The following PRPSAP1 variants were observed in gnomAD, a reference collection of about 807,000 sequenced individuals.
PRPSAP1 encodes phosphoribosyl pyrophosphate synthetase associated protein 1, also known as phosphoribosyl pyrophosphate synthase-associated protein 1.
A neutral mutation model predicts 39.4 loss-of-function variants in PRPSAP1; 31 were observed. The ratio of observed to expected loss-of-function variants is 0.79; its 90% CI spans 0.59 to 1.06. The LOEUF is 1.06. Among genes scored for constraint, PRPSAP1 ranks in the 50% least tolerant of loss-of-function variants. PRPSAP1 has a pLI of 0.00. For missense variants in PRPSAP1, 430 were observed against 511.6 expected (o/e 0.84, Z 1.54); for synonymous variants, 212 against 192.6 (o/e 1.10, Z -0.83).
At chr17:76,320,095 C>T (rs1741343938) in intron 7 of PRPSAP1, among the ~76,000 whole-genome samples, 1 of 151,860 alleles carries the variant, frequency 6.6e-6, no homozygotes, top group African/African-American at 2.4e-5. Flanking sequence ...CATGGCGAAA[C>T]CCTGTCTCTA....
chr17:76,312,233 G>C (rs1229594411), intron 9 of PRPSAP1, among the ~76,000 whole-genome samples: 1 of 152,168 alleles, frequency 6.6e-6, no homozygotes, highest in Non-Finnish European at 1.5e-5. Flanking sequence ...CTGAGGTCAG[G>C]AGTTTGAGAC....
At position 76,343,942 on chromosome 17, in the gene PRPSAP1, C is replaced by T. The variant is rs78724530; in HGVS notation, c.290+729G>A. Among the ~76,000 whole-genome samples, 246 of 152,142 alleles carry T rather than the reference C, an allele frequency of 1.6e-3. 1 individual carries two copies. The highest frequency in any genetic ancestry group is 2.8e-3 in the Non-Finnish European group (193 of 67,992). ...GGAAGCATTTAGTTTAACATGCAAACGAATGTATAACTTTTTTTTTTCTTT... is the reference window on the plus strand; with the variant it reads ...GGAAGCATTTAGTTTAACATGCAAATGAATGTATAACTTTTTTTTTTCTTT... On this transcript the variant is annotated intron_variant, in intron 3 of 9. Coordinates refer to ENST00000446526, the MANE Select transcript of PRPSAP1 (RefSeq NM_002766.3).
At chr17:76,352,102 C>T (rs1351126663) in intron 1 of PRPSAP1, among the ~76,000 whole-genome samples, 2 of 151,326 alleles carry the variant, frequency 1.3e-5, no homozygotes, top group East Asian at 1.9e-4. Context: ...AAAAAAATGA[C>T]TAAAGTTTTC....
At position 76,344,741 on chromosome 17, in the gene PRPSAP1, A is replaced by C; in HGVS notation, c.224-4T>G. On this transcript the variant is annotated splice_region_variant and splice_polypyrimidine_tract_variant and intron_variant, in intron 2 of 9. Transcript: ENST00000446526. The stretch of plus-strand genomic sequence containing the variant: ...TCTTTTATTTCAACTCTTGTTTCTG[A>C]AAAATAAAAATGTTCTGAAGTTTTA... The C allele has an allele frequency of 6.4e-7, 1 of 1,550,630 alleles. No individual in the cohort carries two copies. Among genetic ancestry groups the C allele is most frequent in the Non-Finnish European group, 8.8e-7 (1 of 1,137,854 alleles).
intron 8 of PRPSAP1, 133 bp from the exon 9 acceptor site, chr17:76,313,149 G>A (rs1407305779): frequency 5.8e-6 from 7 of 1,205,566 alleles, no homozygotes; most frequent in Middle Eastern, 2.9e-4. Context: ...CTGTGTGCCT[G>A]GGTCAAAGAA....
At chr17:76,331,716 A>G (rs1343154615) in intron 4 of PRPSAP1, among the ~76,000 whole-genome samples, 1 of 152,124 alleles carries the variant, frequency 6.6e-6, no homozygotes, top group Non-Finnish European at 1.5e-5. Flanking sequence ...GAGGACCCAA[A>G]TATACGTTAA....
At position 76,353,631 on chromosome 17, in the gene PRPSAP1, C is replaced by T; in HGVS notation, c.73G>A (p.Val25Ile). The change falls in exon 1 of 10, where the codon GTT becomes ATT. Residue 25 changes from valine (V) to isoleucine (I), a missense_variant. Coordinates refer to ENST00000446526, the MANE Select transcript of PRPSAP1 (RefSeq NM_002766.3). ...GCGGCGTTCATGGCCGGCGGGGGAA[C>T]GGGGCGGGCGCGCGGGACGCGGAAA... Reference protein sequence around the residue: ...SAFRVPRARPVPPPAMNAART... With the variant: ...SAFRVPRARPIPPPAMNAART... 1 of 1,542,038 alleles carries T rather than the reference C, an allele frequency of 6.5e-7. No individual in the cohort carries two copies. The highest frequency in any genetic ancestry group is 8.7e-7 in the Non-Finnish European group (1 of 1,150,050).
intron 1 of PRPSAP1, among the ~76,000 whole-genome samples, chr17:76,350,232 G>A (rs12951521): frequency 0.032 from 4,858 of 152,086 alleles, 102 homozygotes; most frequent in Non-Finnish European, 0.048. Flanking sequence ...GAGGTCAGGA[G>A]ATCGAGACCA....
intron 3 of PRPSAP1, among the ~76,000 whole-genome samples, chr17:76,333,349 A>G (rs2071345192): frequency 6.6e-6 from 1 of 152,122 alleles, no homozygotes; most frequent in Non-Finnish European, 1.5e-5. Context: ...ACCTTAGGTG[A>G]TCCGCCCACC....
At chr17:76,313,227 T>A (rs2071088116) in intron 8 of PRPSAP1, 1 of 481,622 alleles carries the variant, frequency 2.1e-6, no homozygotes, top group Non-Finnish European at 3.5e-6. Flanking sequence ...GCGGGCGCAG[T>A]CAAGCACCTG....
At chr17:76,325,152 G>A (rs1444103156) in intron 7 of PRPSAP1, among the ~76,000 whole-genome samples, 6 of 150,248 alleles carry the variant, frequency 4.0e-5, no homozygotes, top group African/African-American at 7.3e-5. Flanking sequence ...GTTTACGCCT[G>A]TAATCCCAGC....
intron 3 of PRPSAP1, among the ~76,000 whole-genome samples, chr17:76,343,575 C>G (rs2071463039): frequency 6.6e-6 from 1 of 152,202 alleles, no homozygotes; most frequent in Non-Finnish European, 1.5e-5. Context: ...TGGCTCACGC[C>G]TGAAATCCCA....
At chr17:76,333,585 C>T (rs1410432342) in intron 3 of PRPSAP1, among the ~76,000 whole-genome samples, 1 of 151,810 alleles carries the variant, frequency 6.6e-6, no homozygotes, top group Admixed American at 6.6e-5. Flanking sequence ...GCAGAGGTTG[C>T]AGTGAGCCGA....
chr17:76,311,529 A>ACCCTCGTGAAAGCTAGTCAT lies in PRPSAP1; in HGVS notation c.1151_*12dup. ...TTCCCTCAGGAGGTCCAGGGTCGAG[A>ACCCTCGTGAAAGCTAGTCAT]CCCTCGTGAAAGCTAGTCATCCACA... On this transcript the variant is annotated 3_prime_UTR_variant, in exon 10 of 10. Coordinates refer to ENST00000446526, the MANE Select transcript of PRPSAP1 (RefSeq NM_002766.3). 6.2e-7 allele frequency: 1 copy of ACCCTCGTGAAAGCTAGTCAT among 1,612,440 alleles called. No individual in the cohort carries two copies. Among genetic ancestry groups the ACCCTCGTGAAAGCTAGTCAT allele is most frequent in the East Asian group, 2.2e-5 (1 of 44,786 alleles).
At position 76,344,686 on chromosome 17, in the gene PRPSAP1, A is replaced by G; in HGVS notation, c.275T>C (p.Ile92Thr). The change falls in exon 3 of 10, where the codon ATA becomes ACA. Residue 92 changes from isoleucine to threonine, a missense_variant. Ile to Thr is a moderately conservative substitution (Grantham distance 89). Around this residue, in one of 2 missense-constraint regions of PRPSAP1, gnomAD observed 152 missense variants for 135.2 expected, o/e 1.12. Transcript: ENST00000446526. ...GTCCTCTTACCTGGGTATTGTCTGT[A>G]TAATGAAAATATCTTGGCCACGAAC... The part of the protein sequence containing the change: ...ESVRGQDIFI[I>T]QTIPRDVNTA... 6 of 1,576,992 alleles carry G rather than the reference A, an allele frequency of 3.8e-6. No homozygotes were observed. Among genetic ancestry groups the G allele is most frequent in the Non-Finnish European group, 5.2e-6 (6 of 1,154,616 alleles).
At chr17:76,354,018 T>A, upstream of PRPSAP1, 1 of 1,159,310 alleles carries the variant, frequency 8.6e-7, no homozygotes, top group Non-Finnish European at 1.1e-6. Context: ...TCTAAAAGCC[T>A]GTTCTTCCGA....
At chr17:76,348,340 G>A (rs562919519) in intron 2 of PRPSAP1, among the ~76,000 whole-genome samples, 189 bp downstream of exon 2, 1 of 151,614 alleles carries the variant, frequency 6.6e-6, no homozygotes, top group Admixed American at 6.7e-5. Context: ...GGGTGTGGTG[G>A]CGGGCGTCTG....
chr17:76,340,391 T>A (rs56963328), intron 3 of PRPSAP1, among the ~76,000 whole-genome samples: 12,670 of 151,748 alleles, frequency 0.083, 978 homozygotes, highest in African/African-American at 0.17. Context: ...GTCCCTTCCC[T>A]GGAAGACACT....
chr17:76,329,853 G>C (rs955882663), intron 6 of PRPSAP1, among the ~76,000 whole-genome samples, 190 bp downstream of exon 6: 1 of 152,128 alleles, frequency 6.6e-6, no homozygotes, highest in African/African-American at 2.4e-5. Flanking sequence ...GCAACTCAGC[G>C]ATCATGTGTG....
Sources: gnomAD v4.1 joint callset for allele counts (sites outside exome capture counted in the v4.1 genomes callset) on GRCh38, gnomAD v4.1.1 for gene constraint, gnomAD v4.1.1 regional missense constraint, MANE v1.5 for transcripts, NCBI Gene and HGNC (gene_info 2026-07-23, HGNC 2026-07-21) for gene names.